DLGAP2: variants seen among roughly 807,000 people sequenced by gnomAD.
DLGAP2 encodes DLG associated protein 2, also known as disks large-associated protein 2.
In DLGAP2, 26 loss-of-function variants were observed where a neutral mutation model predicts 100.3. That is an observed-to-expected ratio of 0.26 (90% CI 0.19 to 0.36). DLGAP2 has a LOEUF of 0.36. Ranked by LOEUF, DLGAP2 falls within the 10% of genes least tolerant of loss-of-function variation. The probability of loss-of-function intolerance (pLI) is 1.00; values close to 1 mark genes in which losing one functional copy is unlikely to be tolerated. For synonymous variants in DLGAP2, 886 were observed against 630.1 expected (o/e 1.41, Z -6.08); for missense variants, 1,858 against 1,453.2 (o/e 1.28, Z -4.53).
chr8:1,454,346 C>G (rs957766704), intron 3 of DLGAP2, among the ~76,000 whole-genome samples: 1 of 151,996 alleles, frequency 6.6e-6, no homozygotes, highest in Non-Finnish European at 1.5e-5. Context: ...GTTTTTCTTC[C>G]TCTGTAACGT....
intron 2 of DLGAP2, among the ~76,000 whole-genome samples, chr8:1,158,928 T>C (rs138554448): frequency 9.1e-4 from 138 of 152,342 alleles, no homozygotes; most frequent in African/African-American, 3.1e-3. Flanking sequence ...ATGAGTAAAA[T>C]CAAAGGAAAC....
chr8:980,224 G>T (rs1217221820), intron 2 of DLGAP2, among the ~76,000 whole-genome samples: 4 of 152,176 alleles, frequency 2.6e-5, no homozygotes, highest in Non-Finnish European at 5.9e-5. Context: ...CGTGGACATT[G>T]TAGCCAAAGA....
chr8:1,541,545 G>C (rs1427989239), intron 4 of DLGAP2, among the ~76,000 whole-genome samples: 1 of 152,104 alleles, frequency 6.6e-6, no homozygotes, highest in Non-Finnish European at 1.5e-5. Context: ...AAAGCCCTTT[G>C]AACTATGGAA....
intron 2 of DLGAP2, among the ~76,000 whole-genome samples, chr8:1,145,776 A>G (rs1327297094): frequency 9.9e-6 from 1 of 100,542 alleles, no homozygotes; most frequent in African/African-American, 4.3e-5. Flanking sequence ...CCCCCACCCC[A>G]CAATAGTCCC....
chr8:1,545,285 G>A (rs1022421995), intron 4 of DLGAP2, among the ~76,000 whole-genome samples: 5 of 152,074 alleles, frequency 3.3e-5, no homozygotes, highest in Admixed American at 2.0e-4. Context: ...CAAGCACGGC[G>A]TGCACCCTGT....
At chr8:838,844 C>T (rs952760217) in intron 1 of DLGAP2, among the ~76,000 whole-genome samples, 15 of 152,192 alleles carry the variant, frequency 9.9e-5, no homozygotes, top group African/African-American at 3.6e-4. Flanking sequence ...TGTGATTCCC[C>T]TGCTGGTGAC....
chr8:1,464,799 A>G (rs1387607960), intron 3 of DLGAP2, among the ~76,000 whole-genome samples: 24 of 152,190 alleles, frequency 1.6e-4, no homozygotes, highest in Admixed American at 1.6e-3. Flanking sequence ...GGACGTAGAG[A>G]GGCCATCAGA....
rs947459073 is a variant in DLGAP2 at position 1,701,601 on chromosome 8, C to G, written c.*195C>G. On this transcript the variant is annotated 3_prime_UTR_variant, in exon 15 of 15. Transcript: ENST00000637795. Reference sequence around the variant, plus strand: ...GAGCTCGCGGCGAGGACGACTTCTGCTTTTGTTGTTGTTGTTGTTGTTCAC... The same window carrying G: ...GAGCTCGCGGCGAGGACGACTTCTGGTTTTGTTGTTGTTGTTGTTGTTCAC... The G allele has an allele frequency of 3.2e-5, 20 of 628,914 alleles. No individual in the cohort carries two copies. The highest frequency in any genetic ancestry group is 1.4e-4 in the East Asian group (5 of 34,512). 39.0% of individuals were successfully genotyped at this position (628,914 alleles called of 1,614,324 possible). A position where few individuals can be genotyped will look rare whatever the true frequency, so the allele number is the denominator to read the frequency against.
chr8:959,225 AG>A (rs1799665977), intron 2 of DLGAP2, among the ~76,000 whole-genome samples: 1 of 152,220 alleles, frequency 6.6e-6, no homozygotes, highest in South Asian at 2.1e-4. Context: ...TGAGTGTTTC[AG>A]AGGAAAGAAG....
At chr8:1,154,713 C>T (rs1366379036) in intron 2 of DLGAP2, among the ~76,000 whole-genome samples, 1 of 152,182 alleles carries the variant, frequency 6.6e-6, no homozygotes, top group African/African-American at 2.4e-5. Flanking sequence ...GACCGAGCTG[C>T]CTTTTCTCCC....
intron 2 of DLGAP2, among the ~76,000 whole-genome samples, chr8:977,037 T>C (rs1323816215): frequency 6.6e-6 from 1 of 152,208 alleles, no homozygotes; most frequent in Non-Finnish European, 1.5e-5. Context: ...AACACTTACC[T>C]AATAAAATAC....
At chr8:1,564,655 C>T (rs1057306126) in intron 5 of DLGAP2, among the ~76,000 whole-genome samples, 2 of 152,182 alleles carry the variant, frequency 1.3e-5, no homozygotes, top group Non-Finnish European at 2.9e-5. Context: ...CAGTTTGGTA[C>T]CATGCGGATA....
intron 2 of DLGAP2, among the ~76,000 whole-genome samples, chr8:1,033,308 A>G (rs1229131645): frequency 6.6e-6 from 1 of 152,218 alleles, no homozygotes; most frequent in Non-Finnish European, 1.5e-5. Context: ...TCTCTTAGAA[A>G]ACACAAGAGC....
At chr8:1,060,457 C>T (rs536004754) in intron 2 of DLGAP2, among the ~76,000 whole-genome samples, 9 of 152,168 alleles carry the variant, frequency 5.9e-5, no homozygotes, top group South Asian at 2.1e-4. Context: ...CCCATGGAAG[C>T]GCGTCACCGA....
chr8:1,256,278 G>T, intron 2 of DLGAP2, among the ~76,000 whole-genome samples: 1 of 135,028 alleles, frequency 7.4e-6, no homozygotes, highest in African/African-American at 2.8e-5. Flanking sequence ...GGTGCTGTGT[G>T]TGTGTCCTCT....
chr8:1,490,223 C>G (rs1364821520), intron 3 of DLGAP2, among the ~76,000 whole-genome samples: 5 of 152,134 alleles, frequency 3.3e-5, no homozygotes, highest in Admixed American at 6.5e-5. Flanking sequence ...ATGGGCATCA[C>G]AACTTACCCT....
chr8:1,599,525 T>A (rs1796559703), intron 6 of DLGAP2, among the ~76,000 whole-genome samples: 1 of 152,194 alleles, frequency 6.6e-6, no homozygotes, highest in Non-Finnish European at 1.5e-5. Context: ...AGAACTTGAT[T>A]TATGAATCTG....
intron 1 of DLGAP2, among the ~76,000 whole-genome samples, chr8:893,671 G>C (rs1028205779): frequency 3.3e-5 from 5 of 152,216 alleles, no homozygotes; most frequent in African/African-American, 1.2e-4. Context: ...TTTCATGACA[G>C]CATCCAGCGG....
intron 2 of DLGAP2, among the ~76,000 whole-genome samples, chr8:1,041,581 A>T: frequency 6.9e-6 from 1 of 144,980 alleles, no homozygotes; most frequent in African/African-American, 2.6e-5. Context: ...GTGTTCTCCG[A>T]ACCCCTTGCC....
Sources: allele counts gnomAD v4.1 joint callset (sites outside exome capture counted in the v4.1 genomes callset), GRCh38; gene constraint gnomAD v4.1.1; transcripts MANE v1.5; gene names NCBI Gene and HGNC (gene_info 2026-07-23, HGNC 2026-07-21).